B3GALT1: variants seen among roughly 807,000 people sequenced by gnomAD.
B3GALT1 encodes beta-1,3-galactosyltransferase 1, also known as UDP-Gal:betaGlcNAc beta 1,3-galactosyltransferase, polypeptide 1.
In B3GALT1, 10 loss-of-function variants were observed where a neutral mutation model predicts 23.2. The observed-to-expected ratio is 0.43, with a 90% CI of 0.27 to 0.73. The LOEUF (loss-of-function observed/expected upper bound fraction) is 0.73. B3GALT1 is among the 30% of genes least tolerant of loss of function. The pLI is 0.21. For missense variants in B3GALT1, 299 were observed against 405.4 expected, an observed-to-expected ratio of 0.74 and a Z score of 2.25; for synonymous variants, 156 against 141.5, an observed-to-expected ratio of 1.10 and a Z score of -0.73.
At chr2:167,804,238 C>T (rs1688701056) in intron 3 of B3GALT1, among the ~76,000 whole-genome samples, 2 of 152,288 alleles carry the variant, frequency 1.3e-5, no homozygotes, top group South Asian at 4.1e-4. Context: ...GATCTGCGAG[C>T]CTCGGCCGCC....
chr2:167,864,105 T>G (rs1259440588), intron 4 of B3GALT1, among the ~76,000 whole-genome samples: 1 of 152,156 alleles, frequency 6.6e-6, no homozygotes, highest in African/African-American at 2.4e-5. Flanking sequence ...CCCACCCTGC[T>G]CTCAGCATCT....
At chr2:167,307,542 A>C (rs1261885086) in intron 1 of B3GALT1, among the ~76,000 whole-genome samples, 3 of 152,066 alleles carry the variant, frequency 2.0e-5, no homozygotes, top group Non-Finnish European at 4.4e-5. Context: ...AAGTAGATGG[A>C]ATCATTTTGA....
rs145355071 is a variant in B3GALT1, at chr2:167,535,073, A to G, written c.-410+44796A>G. Among the ~76,000 whole-genome samples the G allele has an allele frequency of 7.9e-4, 120 of 152,338 alleles. No homozygotes were observed. In the Middle Eastern group the frequency reaches 0.017, roughly 22 times the overall value. On this transcript the variant is annotated intron_variant, in intron 2 of 4. Coordinates refer to ENST00000392690, the MANE Select transcript of B3GALT1 (RefSeq NM_020981.4). ...GGACCATGATCGATTTCACAAAGCC[A>G]TGCTGTTTTATCAGAAGTCCCATTC...
rs1394332200 is a variant in B3GALT1 at position 167,813,060 on chromosome 2, CT to C, written c.-351-5611del. 7.0e-5 allele frequency among the ~76,000 whole-genome samples: 9 copies of C among 127,862 alleles called. No homozygotes were observed. The East Asian group carries it at 2.4e-3, about 34-fold the overall frequency. The allele number at this position is 127,862 out of a possible 152,430, so 83.9% of individuals were successfully genotyped here. On this transcript the variant is annotated intron_variant, in intron 3 of 4. Coordinates refer to ENST00000392690, the MANE Select transcript of B3GALT1 (RefSeq NM_020981.4). ...TATCTCCATTACTGTACTTTATTAT[CT>C]GGATGATATCTGTCTTCAGAAAGAC...
At chr2:167,696,390 G>A (rs1427235901) in intron 3 of B3GALT1, among the ~76,000 whole-genome samples, 4 of 151,502 alleles carry the variant, frequency 2.6e-5, no homozygotes, top group Admixed American at 2.6e-4. Flanking sequence ...ACATGTAGTA[G>A]GTGCTCAATT....
chr2:167,759,544 A>G (rs1425727591), intron 3 of B3GALT1, among the ~76,000 whole-genome samples: 3 of 152,246 alleles, frequency 2.0e-5, no homozygotes, highest in Non-Finnish European at 4.4e-5. Context: ...AAATGAAAGT[A>G]ACCATAAAGT....
intron 3 of B3GALT1, among the ~76,000 whole-genome samples, chr2:167,784,113 C>T (rs1437699617): frequency 2.0e-5 from 3 of 152,214 alleles, no homozygotes; most frequent in Non-Finnish European, 2.9e-5. Flanking sequence ...CCCCCTGACT[C>T]TGTCCCCTGC....
chr2:167,621,089 C>CTTTTTT (rs35420239), intron 2 of B3GALT1, among the ~76,000 whole-genome samples: 2 of 129,190 alleles, frequency 1.5e-5, no homozygotes, highest in Non-Finnish European at 3.2e-5. Flanking sequence ...TTTTTCAGTT[C>CTTTTTT]TTTTTTTTTT....
intron 1 of B3GALT1, among the ~76,000 whole-genome samples, chr2:167,376,727 CTT>C (rs200374011): frequency 4.0e-5 from 6 of 151,724 alleles, no homozygotes; most frequent in Non-Finnish European, 5.9e-5. Context: ...TGGATCTTCT[CTT>C]TTTTTTACTT....
chr2:167,412,259 G>A (rs1308648358), intron 1 of B3GALT1, among the ~76,000 whole-genome samples: 1 of 152,024 alleles, frequency 6.6e-6, no homozygotes, highest in African/African-American at 2.4e-5. Flanking sequence ...AGTAAATCGA[G>A]TTATATCATA....
intron 3 of B3GALT1, among the ~76,000 whole-genome samples, chr2:167,668,776 C>T (rs931965846): frequency 4.6e-5 from 7 of 152,354 alleles, no homozygotes; most frequent in Admixed American, 3.3e-4. Flanking sequence ...TTGCGCTTCC[C>T]GAGTGAGGCA....
chr2:167,321,169 TTAA>T (rs1174237085), intron 1 of B3GALT1, among the ~76,000 whole-genome samples: 1 of 152,006 alleles, frequency 6.6e-6, no homozygotes, highest in African/African-American at 2.4e-5. Flanking sequence ...CCCCAATCTA[TTAA>T]TATTTATTAT....
intron 3 of B3GALT1, among the ~76,000 whole-genome samples, chr2:167,753,137 A>G (rs1687764987): frequency 2.0e-5 from 3 of 152,196 alleles, no homozygotes; most frequent in Admixed American, 6.5e-5. Flanking sequence ...GAGAGCCCAA[A>G]TGCAATCATA....
chr2:167,366,572 G>T (rs1476269178), intron 1 of B3GALT1, among the ~76,000 whole-genome samples: 1 of 152,090 alleles, frequency 6.6e-6, no homozygotes, highest in African/African-American at 2.4e-5. Context: ...ATTAAAAAAA[G>T]ATCAAATACA....
chr2:167,606,513 T>C (rs1684963851), intron 2 of B3GALT1, among the ~76,000 whole-genome samples: 1 of 152,228 alleles, frequency 6.6e-6, no homozygotes, highest in South Asian at 2.1e-4. Context: ...AGTAGTTTTG[T>C]CTATATAAAC....
chr2:167,730,294 A>G (rs1053093424), intron 3 of B3GALT1, among the ~76,000 whole-genome samples: 2 of 152,260 alleles, frequency 1.3e-5, no homozygotes, highest in Admixed American at 6.5e-5. Context: ...TTTTAAACTA[A>G]ATTTAGCATA....
intron 1 of B3GALT1, among the ~76,000 whole-genome samples, chr2:167,323,051 T>C (rs1307357110): frequency 6.6e-6 from 1 of 152,018 alleles, no homozygotes; most frequent in Non-Finnish European, 1.5e-5. Flanking sequence ...ATTTTCCATT[T>C]TCTGGCCTTT....
chr2:167,425,893 C>T (rs1408452757), intron 1 of B3GALT1, among the ~76,000 whole-genome samples: 4 of 152,044 alleles, frequency 2.6e-5, no homozygotes, highest in Non-Finnish European at 5.9e-5. Context: ...ACTTAAAAGT[C>T]GAACTGAAAA....
At chr2:167,511,420 C>G (rs1475140151) in intron 2 of B3GALT1, among the ~76,000 whole-genome samples, 1 of 152,116 alleles carries the variant, frequency 6.6e-6, no homozygotes, top group Non-Finnish European at 1.5e-5. Flanking sequence ...TTTCTCTCTC[C>G]TGTCACCACG....
Sources: allele counts gnomAD v4.1 joint callset (sites outside exome capture counted in the v4.1 genomes callset), GRCh38; gene constraint gnomAD v4.1.1; transcripts MANE v1.5; gene names NCBI Gene and HGNC (gene_info 2026-07-23, HGNC 2026-07-21).